The following ASMTL variants were observed in gnomAD, a reference collection of about 807,000 sequenced individuals.
ASMTL encodes the protein probable bifunctional dTTP/UTP pyrophosphatase/methyltransferase protein.
A neutral mutation model predicts 60.3 loss-of-function variants in ASMTL; 57 were observed. That is an observed-to-expected ratio of 0.95 (90% CI 0.76 to 1.18). ASMTL has a LOEUF of 1.18. Ranked by LOEUF, ASMTL falls within the 50% of genes most tolerant of loss-of-function variation. The probability of loss-of-function intolerance (pLI) is 0.00; values close to 1 mark genes in which losing one functional copy is unlikely to be tolerated. For missense variants in ASMTL, 981 were observed against 852.6 expected (o/e 1.15, Z -1.88); for synonymous variants, 419 against 373.0 (o/e 1.12, Z -1.42).
chrX:1,427,789 A>G lies in ASMTL; in HGVS notation c.842T>C (p.Leu281Pro). 1 of 1,612,806 alleles carries G rather than the reference A, an allele frequency of 6.2e-7. No homozygotes were observed. Reference protein sequence around the residue: ...EAECHRTRETLPPFPTRLLEL... With the variant: ...EAECHRTRETPPPFPTRLLEL... ...CAGGAGGCGTGTCGGGAACGGAGGC[A>G]GGGTCTCCCGAGTCCTGTGACACTC... Residue 281 changes from leucine (L) to proline (P), a missense_variant, in exon 7 of 13, where the codon CTG becomes CCG. Physicochemically the swap from Leu to Pro is moderately conservative, Grantham distance 98. Coordinates refer to ENST00000381317, the MANE Select transcript of ASMTL (RefSeq NM_004192.4).
At chrX:1,431,310 TTA>T (rs1218502634) in intron 6 of ASMTL, among the ~76,000 whole-genome samples, 1 of 131,190 alleles carries the variant, frequency 7.6e-6, no homozygotes, top group Non-Finnish European at 1.5e-5. Context: ...ATATATAAAA[TTA>T]TATATTTTAT....
rs186665942 is a variant in ASMTL, at chrX:1,421,774, T to C, written c.1129A>G (p.Ile377Val). ...CATGTGAGGTCATTATTGTGCATGA[T>C]GAAGCCGTGCAGAGAGTATTCGCCA... ...SDGEYSLHGF[I>V]MHNNDLTWNL... The change falls in exon 9 of 13, where the codon ATC (isoleucine) becomes GTC (valine). Residue 377 changes from isoleucine to valine, a missense_variant. Ile to Val is a conservative substitution (Grantham distance 29). Transcript: ENST00000381317. 78 of 1,613,932 alleles carry C rather than the reference T, an allele frequency of 4.8e-5. No individual in the cohort carries two copies. The African/African-American group carries it at 8.4e-4, about 17-fold the overall frequency.
At chrX:1,417,680 T>C (rs1396393470) in intron 11 of ASMTL, among the ~76,000 whole-genome samples, 9 of 149,012 alleles carry the variant, frequency 6.0e-5, no homozygotes, top group Non-Finnish European at 1.3e-4. Context: ...CAGAAACATA[T>C]GCAACCACAC....
chrX:1,427,528 C>G (rs1364078749), intron 7 of ASMTL, among the ~76,000 whole-genome samples: 3 of 151,826 alleles, frequency 2.0e-5, no homozygotes, highest in African/African-American at 7.3e-5. Flanking sequence ...GTGATGCGGC[C>G]ACAAGCCCAG....
intron 1 of ASMTL, among the ~76,000 whole-genome samples, chrX:1,444,904 G>A (rs1316749132): frequency 6.6e-6 from 1 of 152,098 alleles, no homozygotes; most frequent in Non-Finnish European, 1.5e-5. Context: ...AAACCCTCAG[G>A]TCTCAGAAAT....
intron 5 of ASMTL, among the ~76,000 whole-genome samples, chrX:1,434,205 GCAGTCC>G (rs1212660645): frequency 6.6e-6 from 1 of 152,148 alleles, no homozygotes; most frequent in Non-Finnish European, 1.5e-5. Flanking sequence ...GTGCACACCT[GCAGTCC>G]CAGCAATATG....
chrX:1,414,482 T>G (rs1450769356), intron 11 of ASMTL, among the ~76,000 whole-genome samples: 3 of 152,030 alleles, frequency 2.0e-5, no homozygotes, highest in Non-Finnish European at 4.4e-5. Context: ...CCAAGACGGG[T>G]GGATGACCTG....
intron 1 of ASMTL, among the ~76,000 whole-genome samples, chrX:1,449,702 C>CA (rs2091307614): frequency 6.8e-6 from 1 of 146,668 alleles, no homozygotes; most frequent in African/African-American, 2.6e-5. Context: ...GTAACTACCC[C>CA]CCATCACCAG....
chrX:1,421,779 C>T lies in ASMTL; in HGVS notation c.1124G>A (p.Gly375Asp), dbSNP rs2149302849. Residue 375 changes from glycine (G) to aspartate (D), a missense_variant, in exon 9 of 13, where the codon GGC becomes GAC. Coordinates refer to ENST00000381317, the MANE Select transcript of ASMTL (RefSeq NM_004192.4). ...GAGGTCATTATTGTGCATGATGAAG[C>T]CGTGCAGAGAGTATTCGCCATCCGA... is the stretch of plus-strand genomic sequence containing the variant. ...LASDGEYSLHGFIMHNNDLTW... is the reference protein window; with the variant it reads ...LASDGEYSLHDFIMHNNDLTW... 6.2e-7 allele frequency: 1 copy of T among 1,613,822 alleles called. No homozygotes were observed. The highest frequency in any genetic ancestry group is 8.5e-7 in the Non-Finnish European group (1 of 1,179,832).
chrX:1,412,077 G>T (rs1277783856), intron 12 of ASMTL, among the ~76,000 whole-genome samples: 1 of 150,332 alleles, frequency 6.7e-6, no homozygotes, highest in African/African-American at 2.4e-5. Context: ...TCGGCCTCCC[G>T]AAGTGCGGGG....
At chrX:1,439,288 A>G in intron 2 of ASMTL, 144 bp from the exon 3 acceptor site, 1 of 736,340 alleles carries the variant, frequency 1.4e-6, no homozygotes, top group Non-Finnish European at 2.3e-6. Context: ...GCTCAAGGTC[A>G]CGAGCAAGGA....
chrX:1,446,374 G>A (rs2091231019), intron 1 of ASMTL, among the ~76,000 whole-genome samples: 1 of 152,058 alleles, frequency 6.6e-6, no homozygotes, highest in African/African-American at 2.4e-5. Context: ...GGTGGTAGTG[G>A]TCCCCCGGGC....
At chrX:1,418,479 C>A (rs1249793428) in intron 10 of ASMTL, among the ~76,000 whole-genome samples, 2 of 151,474 alleles carry the variant, frequency 1.3e-5, no homozygotes, top group African/African-American at 4.9e-5. Flanking sequence ...GGGCTGTACT[C>A]CTCCCTTCTC....
chrX:1,453,355 C>A (rs1273623563), upstream of ASMTL, among the ~76,000 whole-genome samples: 2 of 151,864 alleles, frequency 1.3e-5, no homozygotes, highest in South Asian at 4.1e-4. Flanking sequence ...CCGCCTCCCC[C>A]CCGGGCACCG....
intron 1 of ASMTL, 78 bp downstream of exon 1, chrX:1,452,670 A>G: frequency 8.2e-7 from 1 of 1,214,562 alleles, no homozygotes; most frequent in South Asian, 1.4e-5. Flanking sequence ...CTATCCCTAG[A>G]GTTCCTGAGT....
chrX:1,412,260 C>G (rs1388684958), intron 12 of ASMTL, among the ~76,000 whole-genome samples: 1 of 152,066 alleles, frequency 6.6e-6, no homozygotes, highest in East Asian at 1.9e-4. Context: ...CCGAATCTCA[C>G]TCCGTCGCCC....
chrX:1,444,323 C>T (rs1367186164), intron 1 of ASMTL, among the ~76,000 whole-genome samples: 1 of 151,828 alleles, frequency 6.6e-6, no homozygotes, highest in East Asian at 1.9e-4. Context: ...ATTCTCCTGC[C>T]TCAGTCTCCC....
Position 1,425,661 on chromosome X carries a change from CT to C in ASMTL, c.923del (p.Lys308ArgfsTer6). The C allele has an allele frequency of 6.2e-7, 1 of 1,613,608 alleles. No homozygotes were observed. Among genetic ancestry groups the C allele is most frequent in the Non-Finnish European group, 8.5e-7 (1 of 1,179,786 alleles). On this transcript the variant is annotated frameshift_variant, in exon 8 of 13. Transcript: ENST00000381317. LOFTEE classifies it high-confidence loss of function. Reference sequence around the variant, plus strand: ...CTTCATCTTTTAACAAATCGAACACCTTCAGTTTGCAAGCGGTGAGCAGGCC... The same window carrying C: ...CTTCATCTTTTAACAAATCGAACACCTCAGTTTGCAAGCGGTGAGCAGGCC... ...SKGLLTACKL[K>X]VFDLLKDEAP...
rs202198651 is a variant in ASMTL at position 1,419,110 on chromosome X, G to A, written c.1250C>T (p.Ala417Val). Residue 417 changes from alanine (A) to valine (V), a missense_variant, in exon 10 of 13, where the codon GCG (alanine) becomes GTG (valine). Physicochemically the swap from Ala to Val is moderately conservative, Grantham distance 64. Transcript: ENST00000381317. ...CCGCGTCTCCGGGCTCTGGTAGTAC[G>A]CATCCTGGAACACAGCAGGTGCTTA... ...GKKAEDLFQDAYYQSPETRLR... is the reference protein window; with the variant it reads ...GKKAEDLFQDVYYQSPETRLR... 1.2e-5 allele frequency: 19 copies of A among 1,610,812 alleles called. No homozygotes were observed. Among genetic ancestry groups the A allele is most frequent in the East Asian group, 8.9e-5 (4 of 44,846 alleles).
Sources: gnomAD v4.1 joint callset for allele counts (sites outside exome capture counted in the v4.1 genomes callset) on GRCh38, gnomAD v4.1.1 for gene constraint, MANE v1.5 for transcripts, NCBI Gene and HGNC (gene_info 2026-07-23, HGNC 2026-07-21) for gene names.